RIMS1: variants seen among roughly 807,000 people sequenced by gnomAD.
RIMS1 encodes regulating synaptic membrane exocytosis protein 1.
In RIMS1, 83 loss-of-function variants were observed where a neutral mutation model predicts 214.1. The observed-to-expected ratio is 0.39, with a 90% confidence interval of 0.32 to 0.47. The LOEUF (loss-of-function observed/expected upper bound fraction) is 0.47, where lower values mean the gene tolerates loss of function less well. Among genes scored for constraint, RIMS1 ranks in the 20% least tolerant of loss-of-function variants. RIMS1 has a pLI of 0.99. For missense variants in RIMS1, 2,050 were observed against 2,161.8 expected (o/e 0.95, Z 1.03); for synonymous variants, 793 against 786.8 (o/e 1.01, Z -0.13).
At chr6:72,062,745 C>T (rs1828220861) in intron 2 of RIMS1, among the ~76,000 whole-genome samples, 2 of 152,108 alleles carry the variant, frequency 1.3e-5, no homozygotes, top group Non-Finnish European at 2.9e-5. Flanking sequence ...GGGCCATGCT[C>T]CCTGTGGAGG....
Position 72,179,170 on chromosome 6 carries a change from C to T in RIMS1, c.472-405C>T, listed in dbSNP as rs575688041. 5.3e-5 allele frequency among the ~76,000 whole-genome samples: 8 copies of T among 152,152 alleles called. No individual in the cohort carries two copies. In the South Asian group the frequency reaches 1.0e-3, roughly 20 times the overall value. On this transcript the variant is annotated intron_variant, in intron 4 of 33. Transcript: ENST00000521978. ...GCAAGTACTGAGGTTTATGTATTTA[C>T]GTACTGATTCTGTAGTTCCTGGTAA...
intron 1 of RIMS1, among the ~76,000 whole-genome samples, chr6:71,927,901 A>C (rs1043910960): frequency 4.6e-5 from 7 of 152,152 alleles, no homozygotes; most frequent in Admixed American, 1.3e-4. Flanking sequence ...AAACTACACA[A>C]TCTTTTACAG....
intron 1 of RIMS1, among the ~76,000 whole-genome samples, chr6:71,937,988 G>C (rs749877928): frequency 6.6e-5 from 10 of 152,198 alleles, no homozygotes; most frequent in Non-Finnish European, 1.3e-4. Flanking sequence ...TTCGTCCTGA[G>C]GCAAATTTCC....
At chr6:71,901,841 A>AGCTAT (rs1773729123) in intron 1 of RIMS1, among the ~76,000 whole-genome samples, 1 of 152,142 alleles carries the variant, frequency 6.6e-6, no homozygotes, top group Non-Finnish European at 1.5e-5. Context: ...ACTACGAAAG[A>AGCTAT]GCTATTGTAT....
At chr6:72,332,815 ATAAT>A (rs1295273107) in intron 28 of RIMS1, among the ~76,000 whole-genome samples, 3 of 151,904 alleles carry the variant, frequency 2.0e-5, no homozygotes, top group Non-Finnish European at 2.9e-5. Context: ...GCTGCATAAA[ATAAT>A]TAACAATAAT....
intron 2 of RIMS1, among the ~76,000 whole-genome samples, chr6:71,992,654 T>C (rs914452152): frequency 1.3e-5 from 2 of 151,440 alleles, no homozygotes; most frequent in African/African-American, 4.9e-5. Context: ...CCTCTTCTTT[T>C]TTCCTTTTAT....
intron 6 of RIMS1, among the ~76,000 whole-genome samples, chr6:72,186,436 G>A (rs1390491418): frequency 1.3e-5 from 2 of 152,188 alleles, no homozygotes; most frequent in Non-Finnish European, 2.9e-5. Flanking sequence ...CCTGGTGCTC[G>A]AGAATGATTA....
At chr6:71,997,691 A>G (rs974782105) in intron 2 of RIMS1, among the ~76,000 whole-genome samples, 1 of 152,224 alleles carries the variant, frequency 6.6e-6, no homozygotes, top group African/African-American at 2.4e-5. Context: ...TGTTAATGCA[A>G]TTACAGGCAA....
rs2039825742 is a variant in RIMS1, at chr6:72,127,851, A to G, written c.471+27865A>G. Among the ~76,000 whole-genome samples the G allele has an allele frequency of 1.3e-5, 2 of 152,230 alleles. 1 individual carries two copies. On this transcript the variant is annotated intron_variant, in intron 4 of 33. Coordinates refer to ENST00000521978, the MANE Select transcript of RIMS1 (RefSeq NM_014989.7). ...AATCTGCTGAGATTGCAGAGACAGA[A>G]ATAAATCTTACGCTTACATACAACC...
intron 8 of RIMS1, among the ~76,000 whole-genome samples, chr6:72,237,250 A>G (rs575775683): frequency 2.6e-5 from 4 of 151,240 alleles, no homozygotes; most frequent in South Asian, 2.1e-4. Context: ...GGAAGGAAGG[A>G]AGGGAGGGAG....
rs1261413990 is a variant in RIMS1 at position 72,182,720 on chromosome 6, G to A, written c.1249G>A (p.Ala417Thr). Reference protein sequence around the residue: ...GKAGKRAPAAARASPPDSPRA... With the variant: ...GKAGKRAPAATRASPPDSPRA... Reference sequence around the variant, plus strand: ...GGCCGGCAAACGCGCGCCGGCGGCAGCCAGGGCCTCGCCGCCGGACTCGCC... The same window carrying A: ...GGCCGGCAAACGCGCGCCGGCGGCAACCAGGGCCTCGCCGCCGGACTCGCC... The change falls in exon 6 of 34, where the codon GCC (alanine) becomes ACC (threonine). Residue 417 changes from alanine to threonine, a missense_variant. Physicochemically the swap from Ala to Thr is moderately conservative, Grantham distance 58. This residue lies in a region of RIMS1 where 882 missense variants were observed against 828.9 expected (regional missense o/e 1.06). Coordinates refer to ENST00000521978, the MANE Select transcript of RIMS1 (RefSeq NM_014989.7). 1.3e-6 allele frequency: 2 copies of A among 1,531,936 alleles called. No homozygotes were observed. Among genetic ancestry groups the A allele is most frequent in the Middle Eastern group, 1.9e-4 (1 of 5,258 alleles). The allele number at this position is 1,531,936 out of a possible 1,614,324, so 94.9% of individuals were successfully genotyped here. A position where few individuals can be genotyped will look rare whatever the true frequency, so the allele number is the denominator to read the frequency against.
At position 72,218,637 on chromosome 6, in the gene RIMS1, A is replaced by G. The variant is rs571502130; in HGVS notation, c.1679-15136A>G. ...GGCTAATAATTGCCAGTTTATAATG[A>G]TCATGAATCTTCTGTTGATGTTTAT... On this transcript the variant is annotated intron_variant, in intron 6 of 33. Coordinates refer to ENST00000521978, the MANE Select transcript of RIMS1 (RefSeq NM_014989.7). Among the ~76,000 whole-genome samples the G allele has an allele frequency of 3.3e-5, 5 of 152,312 alleles. No individual in the cohort carries two copies. In the South Asian group the frequency reaches 1.0e-3, roughly 32 times the overall value.
intron 4 of RIMS1, among the ~76,000 whole-genome samples, chr6:72,162,565 T>A (rs1427041537): frequency 1.4e-5 from 2 of 140,820 alleles, no homozygotes; most frequent in African/African-American, 4.9e-5. Flanking sequence ...CTTCAGGAGC[T>A]CTTGTAAGGC....
intron 2 of RIMS1, among the ~76,000 whole-genome samples, chr6:72,085,483 T>G (rs1381291280): frequency 3.9e-5 from 6 of 152,174 alleles, no homozygotes; most frequent in Non-Finnish European, 5.9e-5. Context: ...TATTAAATTA[T>G]TCAGCATATT....
At chr6:72,330,418 GA>G (rs1321014156) in intron 28 of RIMS1, among the ~76,000 whole-genome samples, 2 of 151,758 alleles carry the variant, frequency 1.3e-5, no homozygotes, top group African/African-American at 4.8e-5. Flanking sequence ...GACTTTTAAA[GA>G]TGGGTTATAG....
rs754914892 is a variant in RIMS1, at chr6:72,258,276, A to G, written c.2922A>G (p.Leu974=). The G allele has an allele frequency of 8.7e-6, 14 of 1,612,966 alleles. No homozygotes were observed. In the East Asian group the frequency reaches 2.9e-4, roughly 33 times the overall value. The change falls in exon 17 of 34, where the codon TTA becomes TTG. Residue 974 remains leucine, a synonymous_variant. Transcript: ENST00000521978. ...KPRSRLPNVP[L]QRSLDEIHPT... ...GTTCACGTTTACCAAATGTGCCATT[A>G]CAGAGGTAGGCTTTGAAATGGGCTC...
intron 26 of RIMS1, among the ~76,000 whole-genome samples, chr6:72,300,094 A>AATCTCAT (rs2094472943): frequency 6.6e-6 from 1 of 151,748 alleles, no homozygotes; most frequent in Admixed American, 6.6e-5. Context: ...TTTTTGGCAC[A>AATCTCAT]ATCTCATAAA....
At chr6:72,069,527 G>A (rs1317414791) in intron 2 of RIMS1, among the ~76,000 whole-genome samples, 1 of 152,194 alleles carries the variant, frequency 6.6e-6, no homozygotes, top group African/African-American at 2.4e-5. Flanking sequence ...ATATGTCTCA[G>A]GATTTTAAAA....
At chr6:71,986,198 T>G (rs1799908180) in intron 2 of RIMS1, among the ~76,000 whole-genome samples, 1 of 151,872 alleles carries the variant, frequency 6.6e-6, no homozygotes, top group Non-Finnish European at 1.5e-5. Context: ...TTGTTTTTTT[T>G]TTTTTTTTTT....
Sources: allele counts gnomAD v4.1 joint callset (sites outside exome capture counted in the v4.1 genomes callset), GRCh38; gene constraint gnomAD v4.1.1; regional missense constraint gnomAD v4.1.1; transcripts MANE v1.5; gene names NCBI Gene and HGNC (gene_info 2026-07-23, HGNC 2026-07-21).